Variants in CNTN3 observed in about 807,000 individuals in gnomAD.
The protein encoded by CNTN3 is contactin 3.
A neutral mutation model predicts 119.1 loss-of-function variants in CNTN3; 60 were observed. That is an observed-to-expected ratio of 0.50 (90% CI 0.41 to 0.62). CNTN3 has a LOEUF of 0.62. Ranked by LOEUF, CNTN3 falls within the 20% of genes least tolerant of loss-of-function variation. The probability of loss-of-function intolerance (pLI) is 0.00; values close to 1 mark genes in which losing one functional copy is unlikely to be tolerated. For missense variants in CNTN3, 1,101 were observed against 1,242.4 expected, an observed-to-expected ratio of 0.89 and a Z score of 1.71; for synonymous variants, 450 against 438.7, an observed-to-expected ratio of 1.03 and a Z score of -0.32.
chr3:74,560,927 A>G (rs555985456), intron 1 of CNTN3, among the ~76,000 whole-genome samples: 18 of 150,970 alleles, frequency 1.2e-4, no homozygotes, highest in African/African-American at 4.4e-4. Flanking sequence ...CGCAAGGACA[A>G]AAAAAACCAA....
intron 5 of CNTN3, among the ~76,000 whole-genome samples, chr3:74,393,714 CAG>C (rs1238313319): frequency 4.6e-5 from 7 of 152,164 alleles, no homozygotes; most frequent in African/African-American, 1.7e-4. Context: ...GGACTGAGGT[CAG>C]AGAGGAAGCG....
chr3:74,505,352 T>C (rs984100137), intron 2 of CNTN3, among the ~76,000 whole-genome samples: 1 of 152,086 alleles, frequency 6.6e-6, no homozygotes, highest in African/African-American at 2.4e-5. Flanking sequence ...ATGCTGACCT[T>C]GCTTTGCTTC....
chr3:74,429,013 T>C (rs1457856267), intron 4 of CNTN3, among the ~76,000 whole-genome samples: 2 of 152,202 alleles, frequency 1.3e-5, no homozygotes, highest in African/African-American at 4.8e-5. Flanking sequence ...TAGTAGGTTA[T>C]ACCATCTGGG....
At chr3:74,594,620 A>G (rs1704766110) in intron 1 of CNTN3, among the ~76,000 whole-genome samples, 1 of 152,196 alleles carries the variant, frequency 6.6e-6, no homozygotes, top group South Asian at 2.1e-4. Context: ...TACAAAGGAC[A>G]TGAACTCATC....
intron 5 of CNTN3, among the ~76,000 whole-genome samples, chr3:74,372,867 T>C (rs1050738058): frequency 6.6e-6 from 1 of 151,974 alleles, no homozygotes; most frequent in Non-Finnish European, 1.5e-5. Flanking sequence ...GCACTCCAAG[T>C]AGAGTGAAGA....
At chr3:74,440,596 A>T (rs1002675905) in intron 4 of CNTN3, among the ~76,000 whole-genome samples, 2 of 152,202 alleles carry the variant, frequency 1.3e-5, no homozygotes, top group Admixed American at 1.3e-4. Context: ...CCAATTGTGG[A>T]TCAAAAATAT....
intron 13 of CNTN3, among the ~76,000 whole-genome samples, chr3:74,332,685 A>T (rs1559551209): frequency 6.6e-6 from 1 of 152,240 alleles, no homozygotes; most frequent in African/African-American, 2.4e-5. Context: ...ACATTTATTT[A>T]GCAGTAGCTA....
intron 3 of CNTN3, among the ~76,000 whole-genome samples, chr3:74,491,763 A>T (rs192920886): frequency 1.6e-3 from 250 of 152,318 alleles, no homozygotes; most frequent in Non-Finnish European, 2.7e-3. Context: ...CTGCATATTC[A>T]TAATTCTTTG....
chr3:74,602,295 C>CAAAAAAAAAAAAAAAAAAAA (rs1167052275), intron 1 of CNTN3, among the ~76,000 whole-genome samples: 2 of 19,688 alleles, frequency 1.0e-4, no homozygotes, highest in Non-Finnish European at 2.9e-4. Context: ...GACCTGGTCT[C>CAAAAAAAAAAAAAAAAAAAA]AAAAAAAAAA....
intron 5 of CNTN3, among the ~76,000 whole-genome samples, chr3:74,381,400 C>T (rs1018954858): frequency 6.6e-6 from 1 of 151,978 alleles, no homozygotes; most frequent in African/African-American, 2.4e-5. Context: ...CAAAAAAATG[C>T]CCCTAGAAAT....
chr3:74,281,981 T>G (rs1482514028), intron 20 of CNTN3, among the ~76,000 whole-genome samples: 9 of 152,214 alleles, frequency 5.9e-5, no homozygotes. Flanking sequence ...GATTATCTCT[T>G]GCAAACTCAA....
intron 1 of CNTN3, among the ~76,000 whole-genome samples, chr3:74,595,796 C>T (rs1345330863): frequency 6.6e-6 from 1 of 152,184 alleles, no homozygotes; most frequent in African/African-American, 2.4e-5. Flanking sequence ...GGGATGCCCT[C>T]TCTCACCACT....
intron 4 of CNTN3, among the ~76,000 whole-genome samples, chr3:74,485,967 C>T (rs545040878): frequency 2.0e-5 from 3 of 152,080 alleles, no homozygotes; most frequent in Non-Finnish European, 4.4e-5. Context: ...GAGTCAACAA[C>T]ATGTCACCAC....
At chr3:74,358,879 C>T (rs1226482204) in intron 11 of CNTN3, among the ~76,000 whole-genome samples, 5 of 150,158 alleles carry the variant, frequency 3.3e-5, no homozygotes, top group East Asian at 2.0e-4. Flanking sequence ...TTTGTTCTTG[C>T]GATAGTTTAC....
Position 74,302,786 on chromosome 3 carries a change from T to C in CNTN3, c.1690A>G (p.Ile564Val). The change falls in exon 14 of 23, where the codon ATC (isoleucine) becomes GTC (valine). Residue 564 changes from isoleucine to valine, a missense_variant. Physicochemically the swap from Ile to Val is conservative, Grantham distance 29. Transcript: ENST00000263665. The part of the protein sequence containing the change: ...VGGSSSGDLM[I>V]RNIQLKHSGK... The stretch of plus-strand genomic sequence containing the variant: ...CTGTGTTTCAGCTGAATGTTTCTGA[T>C]CATTAAATCACCAGATGAACTCTGT... 1 of 1,611,318 alleles carries C rather than the reference T, an allele frequency of 6.2e-7. No homozygotes were observed. The highest frequency in any genetic ancestry group is 8.5e-7 in the Non-Finnish European group (1 of 1,177,790).
At position 74,424,771 on chromosome 3, in the gene CNTN3, A is replaced by G. The variant is rs1016588192; in HGVS notation, c.454+74T>C. The stretch of plus-strand genomic sequence containing the variant: ...TTTCTCAGAGTAATTTACAGATGCA[A>G]TAACAGTACATGCGCTGCAGGCCTT... On this transcript the variant is annotated intron_variant, in intron 5 of 22. Transcript: ENST00000263665. The G allele has an allele frequency of 4.2e-6, 5 of 1,200,148 alleles. No homozygotes were observed. The African/African-American group carries it at 4.5e-5, about 11-fold the overall frequency. 74.3% of individuals were successfully genotyped at this position (1,200,148 alleles called of 1,614,324 possible). A position where few individuals can be genotyped will look rare whatever the true frequency, so the allele number is the denominator to read the frequency against.
chr3:74,537,156 C>T (rs6549623), intron 1 of CNTN3, among the ~76,000 whole-genome samples: 150,704 of 152,224 alleles, frequency 0.99, 74,609 homozygotes, highest in Middle Eastern at 1. Flanking sequence ...AAGAGATTCC[C>T]CTTCAAAGAA....
At chr3:74,359,718 A>G (rs2106767739) in intron 11 of CNTN3, among the ~76,000 whole-genome samples, 1 of 152,314 alleles carries the variant, frequency 6.6e-6, no homozygotes, top group African/African-American at 2.4e-5. Flanking sequence ...AAAAATTAAG[A>G]TTAAAAGCCT....
intron 13 of CNTN3, among the ~76,000 whole-genome samples, chr3:74,325,561 A>G (rs1344912523): frequency 2.6e-5 from 4 of 152,100 alleles, no homozygotes; most frequent in African/African-American, 9.7e-5. Flanking sequence ...GGGAAGCAGG[A>G]CCCCTTTACT....
Sources: gnomAD v4.1 joint callset for allele counts (sites outside exome capture counted in the v4.1 genomes callset) on GRCh38, gnomAD v4.1.1 for gene constraint, MANE v1.5 for transcripts, NCBI Gene and HGNC (gene_info 2026-07-23, HGNC 2026-07-21) for gene names.